The following TAP2 variants were observed in gnomAD, a reference collection of about 807,000 sequenced individuals.
TAP2 encodes antigen peptide transporter 2.
Under a neutral mutation model 74.7 loss-of-function variants are expected in TAP2, and 49 were observed. The ratio of observed to expected loss-of-function variants is 0.66; its 90% CI spans 0.52 to 0.83. The LOEUF (loss-of-function observed/expected upper bound fraction) is 0.83, where lower values mean the gene tolerates loss of function less well. Among genes scored for constraint, TAP2 ranks in the 40% least tolerant of loss-of-function variants. TAP2 has a pLI of 0.00. For synonymous variants in TAP2, 306 were observed against 368.4 expected, an observed-to-expected ratio of 0.83 and a Z score of 1.94; for missense variants, 739 against 859.0, an observed-to-expected ratio of 0.86 and a Z score of 1.75.
In TAP2 at chr6:32,828,827, G is replaced by A. The variant is rs578188464; in HGVS notation, c.*79C>T. On this transcript the variant is annotated 3_prime_UTR_variant, in exon 12 of 12. Coordinates refer to ENST00000374897, the MANE Select transcript of TAP2 (RefSeq NM_001290043.2). ...AGCTCTGGGTCCTGGAGACGCCCCT[G>A]AGAAGAGGGCCCAGTATCCCTGGGG... is the stretch of plus-strand genomic sequence containing the variant. 4 of 1,499,872 alleles carry A rather than the reference G, an allele frequency of 2.7e-6. No individual in the cohort carries two copies. The Admixed American group carries it at 8.1e-5, about 31-fold the overall frequency. The allele number at this position is 1,499,872 out of a possible 1,614,324, so 92.9% of individuals were successfully genotyped here.
At chr6:32,825,373 TAGA>T (rs1267181491), downstream of TAP2, 2 of 152,126 alleles carry the variant, frequency 1.3e-5, no homozygotes, top group Non-Finnish European at 2.9e-5. Flanking sequence ...TAGCCATCAG[TAGA>T]AGGAAACAGG....
chr6:32,830,524 G>C, intron 8 of TAP2, 84 bp from the exon 9 acceptor site: 2 of 1,595,988 alleles, frequency 1.3e-6, no homozygotes, highest in Non-Finnish European at 8.5e-7. Context: ...GGCAAGACCA[G>C]GTTCTCAGAG....
chr6:32,833,718 A>T (rs1049017156), intron 5 of TAP2, among the ~76,000 whole-genome samples: 4 of 152,192 alleles, frequency 2.6e-5, no homozygotes, highest in Non-Finnish European at 5.9e-5. Flanking sequence ...GCCGCTATGG[A>T]AAACTGTATG....
rs1225647246 is a variant in TAP2 at position 32,829,457 on chromosome 6, C to CG, written c.1874dup (p.Arg626AlafsTer7). 1 of 1,613,318 alleles carries CG rather than the reference C, an allele frequency of 6.2e-7. No homozygotes were observed. Among genetic ancestry groups the CG allele is most frequent in the African/African-American group, 1.3e-5 (1 of 74,904 alleles). ...TAGCCTCATCCAGGATGAGGACCCG[C>CG]GGGTCTCGTACAAGGGCCCGGGCAA... On this transcript the variant is annotated frameshift_variant, in exon 11 of 12. Transcript: ENST00000374897. LOFTEE classifies it high-confidence loss of function.
chr6:32,822,890 T>G (rs938656252), downstream of TAP2, among the ~76,000 whole-genome samples: 4 of 150,522 alleles, frequency 2.7e-5, no homozygotes, highest in African/African-American at 9.8e-5. Flanking sequence ...TTATTGATAG[T>G]AATATCTTCT....
Position 32,828,783 on chromosome 6 carries a change from G to T in TAP2, c.*123C>A. ...CAGCTATCTGGCCGCACAGCTCTAG[G>T]GAAACTCAAAGCAGGAACAGCTCTG... On this transcript the variant is annotated 3_prime_UTR_variant, in exon 12 of 12. Transcript: ENST00000374897. 1 of 1,345,880 alleles carries T rather than the reference G, an allele frequency of 7.4e-7. No individual in the cohort carries two copies. 83.4% of individuals were successfully genotyped at this position (1,345,880 alleles called of 1,614,324 possible). A position where few individuals can be genotyped will look rare whatever the true frequency, so the allele number is the denominator to read the frequency against.
chr6:32,837,662 C>T lies in TAP2; in HGVS notation c.494-11G>A. On this transcript the variant is annotated splice_polypyrimidine_tract_variant and intron_variant, in intron 2 of 11. Transcript: ENST00000374897. Reference sequence around the variant, plus strand: ...GGATTAATGTCTCACCTGAAAGAGGCATGAAAAATAACACAAGAATGTGCT... The same window carrying T: ...GGATTAATGTCTCACCTGAAAGAGGTATGAAAAATAACACAAGAATGTGCT... 1 of 1,614,054 alleles carries T rather than the reference C, an allele frequency of 6.2e-7. No homozygotes were observed. Among genetic ancestry groups the T allele is most frequent in the Non-Finnish European group, 8.5e-7 (1 of 1,179,942 alleles).
In TAP2 at chr6:32,835,808, C is replaced by A; in HGVS notation, c.609-35G>T. ...AGGAGAATAAGAGGGGAGGGAGATG[C>A]AGAGAAGGAGCAAGCCAGCGGGTGA... On this transcript the variant is annotated intron_variant, in intron 3 of 11. Transcript: ENST00000374897. This position sits in a 1 kb window ranked among gnomAD's most constrained non-coding sequence, Gnocchi z 4.0. The A allele has an allele frequency of 6.2e-7, 1 of 1,612,850 alleles. No individual in the cohort carries two copies. The highest frequency in any genetic ancestry group is 8.5e-7 in the Non-Finnish European group (1 of 1,179,872).
At chr6:32,830,468 C>T (rs1184444873) in intron 8 of TAP2, 28 bp from the exon 9 acceptor site, 1 of 1,601,716 alleles carries the variant, frequency 6.2e-7, no homozygotes, top group Non-Finnish European at 8.5e-7. Context: ...GAGTTAAGGG[C>T]CTGCCCCTTC....
Position 32,830,188 on chromosome 6 carries a change from G to A in TAP2, c.1635+79C>T, listed in dbSNP as rs933719270. ...ACCTCCCTCAGAATGAACACCTGGTGCGCCTTCCCGTGGATCTCCCATCCT... is the reference window on the plus strand; with the variant it reads ...ACCTCCCTCAGAATGAACACCTGGTACGCCTTCCCGTGGATCTCCCATCCT... On this transcript the variant is annotated intron_variant, in intron 9 of 11. Coordinates refer to ENST00000374897, the MANE Select transcript of TAP2 (RefSeq NM_001290043.2). 9.3e-6 allele frequency: 15 copies of A among 1,611,986 alleles called. No homozygotes were observed. The Admixed American group carries it at 2.0e-4, about 21-fold the overall frequency.
In TAP2 at chr6:32,832,587, C is replaced by A; in HGVS notation, c.1143+40G>T. The A allele has an allele frequency of 6.2e-7, 1 of 1,613,022 alleles. No homozygotes were observed. Among genetic ancestry groups the A allele is most frequent in the Non-Finnish European group, 8.5e-7 (1 of 1,179,982 alleles). ...TAGTTTCCTCTTCCCTTGCCCTCCC[C>A]CTTTCCTGGGCTCCTTTCACAACCA... is the stretch of plus-strand genomic sequence containing the variant. On this transcript the variant is annotated intron_variant, in intron 6 of 11. Transcript: ENST00000374897. The surrounding 1 kb of genome is among the most constrained non-coding windows in gnomAD (Gnocchi z 5.9).
At chr6:32,836,626 G>A (rs570718972) in intron 3 of TAP2, among the ~76,000 whole-genome samples, 1 of 152,320 alleles carries the variant, frequency 6.6e-6, no homozygotes, top group East Asian at 1.9e-4. Context: ...CTACAAATCT[G>A]TACAACATAT....
At position 32,830,056 on chromosome 6, in the gene TAP2, A is replaced by G; in HGVS notation, c.1669T>C (p.Ser557Pro). The G allele has an allele frequency of 6.2e-7, 1 of 1,613,104 alleles. No individual in the cohort carries two copies. The highest frequency in any genetic ancestry group is 8.5e-7 in the Non-Finnish European group (1 of 1,180,028). Reference protein sequence around the residue: ...VSVGQEPVLFSGSVRNNIAYG... With the variant: ...VSVGQEPVLFPGSVRNNIAYG... ...GCAATGTTGTTCCTCACAGAACCGG[A>G]GAACAGCACAGGCTCCTGCCCAACT... The change falls in exon 10 of 12, where the codon TCC (serine) becomes CCC (proline). Residue 557 changes from serine to proline, a missense_variant. Ser to Pro is a moderately conservative substitution (Grantham distance 74, BLOSUM62 -1). Transcript: ENST00000374897.
At position 32,835,913 on chromosome 6, in the gene TAP2, G is replaced by A. The variant is rs1467957870; in HGVS notation, c.609-140C>T. On this transcript the variant is annotated intron_variant, in intron 3 of 11. Coordinates refer to ENST00000374897, the MANE Select transcript of TAP2 (RefSeq NM_001290043.2). The surrounding 1 kb of genome is among the most constrained non-coding windows in gnomAD (Gnocchi z 4.0). ...CAGGAGGGGCAAAAGAGAAAGAAAT[G>A]AGAGACAGACACACAGAGAGAGAAG... is the stretch of plus-strand genomic sequence containing the variant. 1 of 1,022,384 alleles carries A rather than the reference G, an allele frequency of 9.8e-7. No individual in the cohort carries two copies. Among genetic ancestry groups the A allele is most frequent in the Non-Finnish European group, 1.5e-6 (1 of 676,712 alleles). 63.3% of individuals were successfully genotyped at this position (1,022,384 alleles called of 1,614,324 possible).
chr6:32,828,579 A>G lies in TAP2; in HGVS notation c.*327T>C. ...AATGTATACAGTTCATGTAAGAAGG[A>G]AAATATTTTAAAATATATGTATTAT... is the stretch of plus-strand genomic sequence containing the variant. On this transcript the variant is annotated 3_prime_UTR_variant, in exon 12 of 12. Coordinates refer to ENST00000374897, the MANE Select transcript of TAP2 (RefSeq NM_001290043.2). 1 of 1,028,192 alleles carries G rather than the reference A, an allele frequency of 9.7e-7. No individual in the cohort carries two copies. Among genetic ancestry groups the G allele is most frequent in the East Asian group, 7.6e-5 (1 of 13,108 alleles). 63.7% of individuals were successfully genotyped at this position (1,028,192 alleles called of 1,614,324 possible).
downstream of TAP2, among the ~76,000 whole-genome samples, chr6:32,822,941 G>A (rs111594182): frequency 0.091 from 11,070 of 121,898 alleles, 796 homozygotes; most frequent in African/African-American, 0.2. Context: ...TTTTTTTGAG[G>A]CAGAGTCTCA....
intron 5 of TAP2, among the ~76,000 whole-genome samples, chr6:32,834,880 C>T (rs151047989): frequency 0.011 from 1,670 of 152,296 alleles, 30 homozygotes; most frequent in African/African-American, 0.031. Context: ...GTTATCATCG[C>T]CTATCATCTC....
chr6:32,828,189 G>A lies in TAP2; in HGVS notation c.*717C>T, dbSNP rs1768778797. 2.2e-6 allele frequency: 2 copies of A among 897,090 alleles called. No homozygotes were observed. Among genetic ancestry groups the A allele is most frequent in the Non-Finnish European group, 1.3e-6 (1 of 749,972 alleles). The allele number at this position is 897,090 out of a possible 1,614,324, so 55.6% of individuals were successfully genotyped here. On this transcript the variant is annotated 3_prime_UTR_variant, in exon 12 of 12. Transcript: ENST00000374897. ...TAATAACCAACCTCATAGGGTTGGG[G>A]ATAATGATTAAAAACGATAATACAT...
downstream of TAP2, chr6:32,825,371 AG>A (rs1450377870): frequency 6.6e-6 from 1 of 152,216 alleles, no homozygotes; most frequent in Non-Finnish European, 1.5e-5. Context: ...ACTAGCCATC[AG>A]TAGAAGGAAA....
Sources: gnomAD v4.1 joint callset for allele counts (sites outside exome capture counted in the v4.1 genomes callset) on GRCh38, gnomAD v4.1.1 for gene constraint, Gnocchi (gnomAD v3.1) non-coding constraint, MANE v1.5 for transcripts, NCBI Gene and HGNC (gene_info 2026-07-23, HGNC 2026-07-21) for gene names.